The following NDUFB4 variants were observed in gnomAD, a reference collection of about 807,000 sequenced individuals.
NDUFB4 encodes NADH dehydrogenase [ubiquinone] 1 beta subcomplex subunit 4.
NDUFB4 carries 10 observed loss-of-function variants against 14.5 expected under a neutral mutation model. The ratio of observed to expected loss-of-function variants is 0.69; its 90% CI spans 0.43 to 1.17. The LOEUF is 1.17. Ranked by LOEUF, NDUFB4 falls within the 50% of genes most tolerant of loss-of-function variation. The pLI is 0.00. For synonymous variants in NDUFB4, 65 were observed against 63.4 expected (o/e 1.03, Z -0.12); for missense variants, 165 against 161.1 (o/e 1.02, Z -0.13).
At chr3:120,598,687 G>C (rs1940007598) in intron 1 of NDUFB4, among the ~76,000 whole-genome samples, 1 of 152,070 alleles carries the variant, frequency 6.6e-6, no homozygotes, top group Non-Finnish European at 1.5e-5. Context: ...AAGAAGTGGG[G>C]TGAGGGACCT....
chr3:120,596,795 T>G (rs150995168), intron 1 of NDUFB4: 2 of 521,488 alleles, frequency 3.8e-6, no homozygotes, highest in African/African-American at 3.8e-5. Flanking sequence ...CGTTATTCAC[T>G]CTGCTTATCC....
intron 1 of NDUFB4, among the ~76,000 whole-genome samples, chr3:120,598,443 A>G (rs909056904): frequency 6.6e-6 from 1 of 152,180 alleles, no homozygotes; most frequent in African/African-American, 2.4e-5. Context: ...CAAGATAACA[A>G]TGGAGATCAA....
At position 120,596,345 on chromosome 3, in the gene NDUFB4, C is replaced by T. The variant is rs973385422; in HGVS notation, c.-15C>T. 1.9e-6 allele frequency: 3 copies of T among 1,613,470 alleles called. No homozygotes were observed. Among genetic ancestry groups the T allele is most frequent in the Non-Finnish European group, 2.5e-6 (3 of 1,179,792 alleles). ...TCAGAATCGCGCAGGCGCAATTGTG[C>T]CCTGGTTCGCCAAGATGTCGTTCCC... On this transcript the variant is annotated 5_prime_UTR_variant, in exon 1 of 3. Coordinates refer to ENST00000184266, the MANE Select transcript of NDUFB4 (RefSeq NM_004547.6).
At chr3:120,600,109 G>GTTTTTTTTTTTTTTTTTTTTTTT (rs1186301411) in intron 1 of NDUFB4, among the ~76,000 whole-genome samples, 1 of 133,330 alleles carries the variant, frequency 7.5e-6, no homozygotes, top group Non-Finnish European at 1.6e-5. Flanking sequence ...CCATCATAAG[G>GTTTTTTTTTTTTTTTTTTTTTTT]TTTTTTTTTT....
In NDUFB4 at chr3:120,596,479, A is replaced by G. The variant is rs764076421; in HGVS notation, c.120A>G (p.Arg40=). Residue 40 remains arginine, a synonymous_variant, in exon 1 of 3, where the codon AGA becomes AGG. Coordinates refer to ENST00000184266, the MANE Select transcript of NDUFB4 (RefSeq NM_004547.6). ...RRAQAERLAI[R]AQLKREYLLQ... ...CGCAAGCCGAGCGGTTGGCCATAAGAGCCCAGCTGAAACGAGAGTACCTGC... is the reference window on the plus strand; with the variant it reads ...CGCAAGCCGAGCGGTTGGCCATAAGGGCCCAGCTGAAACGAGAGTACCTGC... 6.2e-7 allele frequency: 1 copy of G among 1,613,912 alleles called. No individual in the cohort carries two copies. The highest frequency in any genetic ancestry group is 1.3e-5 in the African/African-American group (1 of 74,922).
intron 1 of NDUFB4, among the ~76,000 whole-genome samples, chr3:120,600,505 C>T (rs1281585938): frequency 6.6e-6 from 1 of 152,148 alleles, no homozygotes. Context: ...GACCTTTCTA[C>T]AAAACTTCTA....
rs762155928 is a variant in NDUFB4 at position 120,602,204 on chromosome 3, A to C, written c.328-4A>C. On this transcript the variant is annotated splice_region_variant and splice_polypyrimidine_tract_variant and intron_variant, in intron 2 of 2. Coordinates refer to ENST00000184266, the MANE Select transcript of NDUFB4 (RefSeq NM_004547.6). ...TTTAATGTACTTTTTTTCTGTCTTT[A>C]CAGGATAGGAAAGAAAAACTTATCC... The C allele has an allele frequency of 6.2e-7, 1 of 1,609,522 alleles. No individual in the cohort carries two copies. The highest frequency in any genetic ancestry group is 1.1e-5 in the South Asian group (1 of 90,456).
chr3:120,601,010 G>A, intron 1 of NDUFB4, 101 bp from the exon 2 acceptor site: 3 of 1,016,270 alleles, frequency 3.0e-6, no homozygotes, highest in Non-Finnish European at 4.5e-6. Context: ...CTGTTCTAGA[G>A]AACAAAATGC....
intron 1 of NDUFB4, among the ~76,000 whole-genome samples, chr3:120,598,432 C>G (rs1052383159): frequency 3.3e-5 from 5 of 151,994 alleles, no homozygotes; most frequent in African/African-American, 1.2e-4. Context: ...ATTTTACATG[C>G]CAAGATAACA....
chr3:120,601,611 C>T (rs551959722), intron 2 of NDUFB4: 67 of 1,073,656 alleles, frequency 6.2e-5, no homozygotes, highest in Middle Eastern at 4.4e-4. Context: ...TAATACTCTA[C>T]GGACAGAGAA....
At chr3:120,602,105 C>T (rs1940073887) in intron 2 of NDUFB4, 103 bp from the exon 3 acceptor site, 6 of 1,520,218 alleles carry the variant, frequency 3.9e-6, no homozygotes, top group Non-Finnish European at 5.3e-6. Context: ...TGGGTTGTGC[C>T]AAAATGCAGT....
At chr3:120,599,818 A>G (rs751216754) in intron 1 of NDUFB4, among the ~76,000 whole-genome samples, 10 of 152,178 alleles carry the variant, frequency 6.6e-5, no homozygotes, top group African/African-American at 2.4e-4. Context: ...ATACATTTAT[A>G]GTAGAAAGGA....
chr3:120,601,504 A>C (rs4615109), intron 2 of NDUFB4: 1 of 1,363,158 alleles, frequency 7.3e-7, no homozygotes, highest in African/African-American at 1.5e-5. Flanking sequence ...TTATTGGGTT[A>C]AGTATTAGCA....
rs941498247 is a variant in NDUFB4, at chr3:120,601,002, G to A, written c.181-109G>A. The A allele has an allele frequency of 2.3e-5, 21 of 922,524 alleles. No individual in the cohort carries two copies. The South Asian group carries it at 2.7e-4, about 12-fold the overall frequency. The allele number at this position is 922,524 out of a possible 1,614,324, so 57.1% of individuals were successfully genotyped here. Reference sequence around the variant, plus strand: ...GAATATTCATGATATACCCTTAACTGTTCTAGAGAACAAAATGCGTCTGTG... The same window carrying A: ...GAATATTCATGATATACCCTTAACTATTCTAGAGAACAAAATGCGTCTGTG... On this transcript the variant is annotated intron_variant, in intron 1 of 2. Coordinates refer to ENST00000184266, the MANE Select transcript of NDUFB4 (RefSeq NM_004547.6).
chr3:120,596,551 G>T lies in NDUFB4; in HGVS notation c.180+12G>T, dbSNP rs2107470269. The T allele has an allele frequency of 2.5e-6, 4 of 1,612,406 alleles. No homozygotes were observed. The South Asian group carries it at 4.4e-5, about 18-fold the overall frequency. ...GCCGAGGGCTCATCGTGAGTGTGGG[G>T]CCTCCCAGGCGGGAATAGGGCCCGA... is the stretch of plus-strand genomic sequence containing the variant. On this transcript the variant is annotated intron_variant, in intron 1 of 2. Coordinates refer to ENST00000184266, the MANE Select transcript of NDUFB4 (RefSeq NM_004547.6).
chr3:120,600,284 A>G (rs1413596271), intron 1 of NDUFB4, among the ~76,000 whole-genome samples: 1 of 151,834 alleles, frequency 6.6e-6, no homozygotes, highest in African/African-American at 2.4e-5. Flanking sequence ...CATGTTATAT[A>G]TTAAAGTCTT....
chr3:120,597,005 A>G (rs12635956), intron 1 of NDUFB4, among the ~76,000 whole-genome samples: 2 of 142,796 alleles, frequency 1.4e-5, no homozygotes, highest in East Asian at 2.0e-4. Flanking sequence ...ATTATATTCT[A>G]TATATATGCA....
intron 2 of NDUFB4, chr3:120,601,574 A>G: frequency 1.0e-5 from 12 of 1,175,324 alleles, no homozygotes; most frequent in African/African-American, 1.6e-5. Flanking sequence ...TGTTGGTCAC[A>G]TTTTGCAAAT....
At chr3:120,598,759 A>C (rs2107471454) in intron 1 of NDUFB4, among the ~76,000 whole-genome samples, 1 of 152,258 alleles carries the variant, frequency 6.6e-6, no homozygotes, top group East Asian at 1.9e-4. Flanking sequence ...ATTAGGCAGG[A>C]GAGTGTCAGG....
Sources: gnomAD v4.1 joint callset for allele counts (sites outside exome capture counted in the v4.1 genomes callset) on GRCh38, gnomAD v4.1.1 for gene constraint, MANE v1.5 for transcripts, NCBI Gene and HGNC (gene_info 2026-07-23, HGNC 2026-07-21) for gene names.